TBC1D5: variants seen among roughly 807,000 people sequenced by gnomAD.
TBC1D5 encodes TBC1 domain family member 5.
A neutral mutation model predicts 100.3 loss-of-function variants in TBC1D5; 75 were observed. The observed-to-expected ratio is 0.75, with a 90% confidence interval of 0.62 to 0.91. The LOEUF (loss-of-function observed/expected upper bound fraction) is 0.91. TBC1D5 is among the 40% of genes least tolerant of loss of function. The probability of loss-of-function intolerance (pLI) is 0.00; values close to 1 mark genes in which losing one functional copy is unlikely to be tolerated. For missense variants in TBC1D5, 910 were observed against 942.4 expected, an observed-to-expected ratio of 0.97 and a Z score of 0.45; for synonymous variants, 323 against 325.6, an observed-to-expected ratio of 0.99 and a Z score of 0.09.
At chr3:17,225,273 T>C (rs2074735032) in intron 17 of TBC1D5, among the ~76,000 whole-genome samples, 1 of 151,844 alleles carries the variant, frequency 6.6e-6, no homozygotes, top group African/African-American at 2.4e-5. Flanking sequence ...ACCCCGTCTC[T>C]ATTAAAAATA....
At chr3:17,530,967 T>C (rs1375599525) in intron 2 of TBC1D5, among the ~76,000 whole-genome samples, 1 of 152,138 alleles carries the variant, frequency 6.6e-6, no homozygotes, top group Non-Finnish European at 1.5e-5. Flanking sequence ...CAACATAGTG[T>C]TGGAAGTTCT....
In TBC1D5 at chr3:17,673,311, C is replaced by CTTT. The variant is rs374496313; in HGVS notation, c.-100-49401_-100-49399dup. ...TATTTTCTGTACTTTCTTTTCTTTT[C>CTTT]TTTTTTTTTTTTTTTTTGAGACAGG... On this transcript the variant is annotated intron_variant, in intron 1 of 21. Coordinates refer to ENST00000253692, the Ensembl canonical transcript of TBC1D5. Among the ~76,000 whole-genome samples, 621 of 125,950 alleles carry CTTT rather than the reference C, an allele frequency of 4.9e-3. 13 individuals are homozygous for CTTT. The highest frequency in any genetic ancestry group is 7.2e-3 in the Admixed American group (83 of 11,522). The allele number at this position is 125,950 out of a possible 152,430, so 82.6% of individuals were successfully genotyped here. A position where few individuals can be genotyped will look rare whatever the true frequency, so the allele number is the denominator to read the frequency against.
intron 4 of TBC1D5, among the ~76,000 whole-genome samples, chr3:17,424,275 G>A (rs1381954573): frequency 1.3e-5 from 2 of 152,210 alleles, no homozygotes; most frequent in Admixed American, 1.3e-4. Context: ...GTAATAGTCT[G>A]TAGTCATATG....
At chr3:17,307,233 C>T (rs1485199862) in intron 14 of TBC1D5, among the ~76,000 whole-genome samples, 1 of 152,120 alleles carries the variant, frequency 6.6e-6, no homozygotes, top group Non-Finnish European at 1.5e-5. Flanking sequence ...TTTATGTTAG[C>T]TACCTATTTC....
chr3:17,167,085 A>G (rs1191954797), intron 20 of TBC1D5, among the ~76,000 whole-genome samples, 157 bp from the exon 22 acceptor site: 1 of 152,252 alleles, frequency 6.6e-6, no homozygotes, highest in Non-Finnish European at 1.5e-5. Flanking sequence ...AATGAGAAAA[A>G]AATCTAATTT....
intron 3 of TBC1D5, among the ~76,000 whole-genome samples, chr3:17,471,878 A>G (rs2095379477): frequency 6.6e-6 from 1 of 152,186 alleles, no homozygotes; most frequent in South Asian, 2.1e-4. Flanking sequence ...TCTACGACAG[A>G]GATAAAATGC....
chr3:17,669,373 G>C (rs191851514), intron 1 of TBC1D5, among the ~76,000 whole-genome samples: 57 of 152,144 alleles, frequency 3.7e-4, no homozygotes, highest in African/African-American at 1.3e-3. Context: ...CAACGACAAA[G>C]AAGATAATAA....
At chr3:17,403,236 T>G in exon 8 of TBC1D5, 1 of 1,589,448 alleles carries the variant, frequency 6.3e-7, no homozygotes, top group Non-Finnish European at 8.6e-7. Flanking sequence ...TGGAAGAATT[T>G]GTTCCAAAGA....
chr3:17,265,944 T>C (rs941840835), intron 15 of TBC1D5, among the ~76,000 whole-genome samples: 1 of 151,730 alleles, frequency 6.6e-6, no homozygotes, highest in Non-Finnish European at 1.5e-5. Flanking sequence ...CCTGAAATAG[T>C]GGTAATTATC....
intron 2 of TBC1D5, among the ~76,000 whole-genome samples, chr3:17,518,542 G>C (rs2096020554): frequency 6.6e-6 from 1 of 152,154 alleles, no homozygotes; most frequent in Admixed American, 6.5e-5. Context: ...TTCCCACTGA[G>C]AGCCACTTTC....
chr3:17,174,737 G>A lies in TBC1D5; in HGVS notation c.1853-6909C>T, dbSNP rs1292409219. ...GCTTCCTGAGTAGCTGGGATTATAGGCGTGTGCTACCATGCCTGGCTAATT... is the reference window on the plus strand; with the variant it reads ...GCTTCCTGAGTAGCTGGGATTATAGACGTGTGCTACCATGCCTGGCTAATT... On this transcript the variant is annotated intron_variant, in intron 19 of 21. Transcript: ENST00000253692. 2.6e-5 allele frequency among the ~76,000 whole-genome samples: 4 copies of A among 152,118 alleles called. No homozygotes were observed. In the East Asian group the frequency reaches 7.7e-4, roughly 29 times the overall value.
At position 17,241,263 on chromosome 3, in the gene TBC1D5, C is replaced by A. The variant is rs183164171; in HGVS notation, c.1332-2844G>T. Among the ~76,000 whole-genome samples the A allele has an allele frequency of 9.2e-5, 14 of 152,250 alleles. No individual in the cohort carries two copies. In the East Asian group the frequency reaches 2.7e-3, roughly 29 times the overall value. On this transcript the variant is annotated intron_variant, in intron 16 of 21. Transcript: ENST00000253692. The stretch of plus-strand genomic sequence containing the variant: ...CTTCCTGTGAAATATTAAACAACTT[C>A]CAACAATTATTAATGGCTGTGATGT...
At chr3:17,404,366 A>G (rs557856353) in intron 7 of TBC1D5, among the ~76,000 whole-genome samples, 1 of 152,098 alleles carries the variant, frequency 6.6e-6, no homozygotes, top group African/African-American at 2.4e-5. Context: ...CGACGAAGGG[A>G]GGCTTTCCTT....
chr3:17,333,664 T>C (rs1480541138), intron 13 of TBC1D5, among the ~76,000 whole-genome samples: 2 of 152,130 alleles, frequency 1.3e-5, no homozygotes, highest in Non-Finnish European at 2.9e-5. Flanking sequence ...GTGGGAATAC[T>C]GAGGAAGTTC....
At chr3:17,323,152 CA>C (rs1169661636) in intron 13 of TBC1D5, among the ~76,000 whole-genome samples, 1 of 152,118 alleles carries the variant, frequency 6.6e-6, no homozygotes, top group Non-Finnish European at 1.5e-5. Context: ...TTAAAAATCA[CA>C]AATTATGTGA....
At chr3:17,242,824 G>A (rs894415094) in intron 16 of TBC1D5, among the ~76,000 whole-genome samples, 2 of 151,456 alleles carry the variant, frequency 1.3e-5, no homozygotes, top group East Asian at 1.9e-4. Context: ...AAAATAAACC[G>A]ATATATATAT....
At chr3:17,669,600 A>G (rs955082874) in intron 1 of TBC1D5, among the ~76,000 whole-genome samples, 1 of 152,180 alleles carries the variant, frequency 6.6e-6, no homozygotes, top group African/African-American at 2.4e-5. Flanking sequence ...TCCTTGGTAA[A>G]ATAAGGATAG....
In TBC1D5 at chr3:17,667,553, G is replaced by C. The variant is rs142286970; in HGVS notation, c.-100-43640C>G. On this transcript the variant is annotated intron_variant, in intron 1 of 21. Transcript: ENST00000253692. ...TGCAGCCTTGACCTCCCAGGCTCAA[G>C]TGATCCTCCAACCTCAGTCTTCCAA... Among the ~76,000 whole-genome samples the C allele has an allele frequency of 7.6e-3, 1,149 of 152,052 alleles. 15 individuals carry two copies. The highest frequency in any genetic ancestry group is 0.027 in the African/African-American group (1,107 of 41,450).
At chr3:17,488,523 G>C (rs1356712817) in intron 3 of TBC1D5, among the ~76,000 whole-genome samples, 4 of 152,186 alleles carry the variant, frequency 2.6e-5, no homozygotes, top group Admixed American at 2.6e-4. Context: ...CATATGGTAA[G>C]AGTATGTACA....
Sources: gnomAD v4.1 joint callset for allele counts (sites outside exome capture counted in the v4.1 genomes callset) on GRCh38, gnomAD v4.1.1 for gene constraint, MANE v1.5 for transcripts, NCBI Gene and HGNC (gene_info 2026-07-23, HGNC 2026-07-21) for gene names.